CEP63: variants seen among roughly 807,000 people sequenced by gnomAD.
The protein encoded by CEP63 is centrosomal protein of 63 kDa.
CEP63 carries 84 observed loss-of-function variants against 89.1 expected under a neutral mutation model. That is an observed-to-expected ratio of 0.94 (90% confidence interval 0.79 to 1.13). CEP63 has a LOEUF of 1.13. Ranked by LOEUF, CEP63 falls within the 50% of genes most tolerant of loss-of-function variation. The pLI is 0.00. For missense variants in CEP63, 838 were observed against 813.3 expected, an observed-to-expected ratio of 1.03 and a Z score of -0.37; for synonymous variants, 267 against 272.5, an observed-to-expected ratio of 0.98 and a Z score of 0.20.
the CEP63 span, chr3:134,612,946 G>A: frequency 6.6e-6 from 1 of 152,476 alleles, no homozygotes; most frequent in Non-Finnish European, 1.5e-5. Flanking sequence ...TAATGATTAT[G>A]TGTTACTTTG....
chr3:134,700,029 T>C, the CEP63 span, among the ~76,000 whole-genome samples: 1 of 152,268 alleles, frequency 6.6e-6, no homozygotes, highest in Non-Finnish European at 1.5e-5. Flanking sequence ...GCTCTGAACT[T>C]GCATGATGCC....
chr3:134,592,486 G>GTGTGTGTGTA (rs1958617963), downstream of CEP63, among the ~76,000 whole-genome samples: 1 of 150,162 alleles, frequency 6.7e-6, no homozygotes, highest in Non-Finnish European at 1.5e-5. Context: ...GTGTGTGTGT[G>GTGTGTGTGTA]TGTGTGTGTG....
chr3:134,734,158 C>T, the CEP63 span, among the ~76,000 whole-genome samples: 1 of 152,174 alleles, frequency 6.6e-6, no homozygotes, highest in African/African-American at 2.4e-5. Context: ...AACGTGTTTA[C>T]ATGAAAACCT....
the CEP63 span, among the ~76,000 whole-genome samples, chr3:134,645,798 C>T: frequency 2.6e-5 from 4 of 152,150 alleles, no homozygotes; most frequent in Admixed American, 1.3e-4. Context: ...TGCTAAGACC[C>T]ACTTCATGTC....
chr3:134,715,047 C>G, the CEP63 span, among the ~76,000 whole-genome samples: 1 of 152,230 alleles, frequency 6.6e-6, no homozygotes, highest in Admixed American at 6.5e-5. Flanking sequence ...AGCTTCTAGG[C>G]TGCTGAGGAG....
At chr3:134,532,011 G>A in intron 4 of CEP63, 71 bp downstream of exon 4, 1 of 1,027,566 alleles carries the variant, frequency 9.7e-7, no homozygotes, top group Non-Finnish European at 1.5e-6. Context: ...CTTTGTTAAT[G>A]AAAGCCAGTT....
At chr3:134,779,141 G>T in the CEP63 span, among the ~76,000 whole-genome samples, 2 of 151,858 alleles carry the variant, frequency 1.3e-5, no homozygotes, top group Non-Finnish European at 2.9e-5. Flanking sequence ...TTTTATGCTG[G>T]TAATGTAATT....
chr3:134,619,084 G>A, the CEP63 span: 13 of 1,335,650 alleles, frequency 9.7e-6, no homozygotes, highest in Non-Finnish European at 1.4e-5. Context: ...AAAGGCACAT[G>A]GCACTGTGGA....
At chr3:134,747,561 AG>A in the CEP63 span, among the ~76,000 whole-genome samples, 1 of 152,148 alleles carries the variant, frequency 6.6e-6, no homozygotes, top group Non-Finnish European at 1.5e-5. Context: ...TGTGGTGAAA[AG>A]TTCCACGTGA....
chr3:134,577,536 C>T (rs190050594), downstream of CEP63, among the ~76,000 whole-genome samples: 1 of 144,740 alleles, frequency 6.9e-6, no homozygotes, highest in African/African-American at 2.6e-5. Flanking sequence ...AAGCAATTCT[C>T]ATGCCTCAGC....
At chr3:134,655,107 GGA>G in the CEP63 span, among the ~76,000 whole-genome samples, 1 of 152,110 alleles carries the variant, frequency 6.6e-6, no homozygotes, top group South Asian at 2.1e-4. Flanking sequence ...GGTGTTGCTG[GGA>G]TTAAATGAGA....
the CEP63 span, among the ~76,000 whole-genome samples, chr3:134,766,160 G>A: frequency 1.3e-5 from 2 of 152,216 alleles, no homozygotes; most frequent in African/African-American, 4.8e-5. Flanking sequence ...TACTGTGAAT[G>A]TATTTGGGTG....
chr3:134,656,155 G>C, the CEP63 span, among the ~76,000 whole-genome samples: 193 of 152,272 alleles, frequency 1.3e-3, 1 homozygote, highest in Non-Finnish European at 2.0e-3. Context: ...GTAAGGACAG[G>C]GGAGAGGCAT....
chr3:134,620,078 C>T, the CEP63 span: 1 of 152,288 alleles, frequency 6.6e-6, no homozygotes, highest in African/African-American at 2.4e-5. Flanking sequence ...TAGGAGTCCA[C>T]CTCGTGATCT....
At chr3:134,706,877 T>C in the CEP63 span, among the ~76,000 whole-genome samples, 1 of 152,188 alleles carries the variant, frequency 6.6e-6, no homozygotes, top group Admixed American at 6.5e-5. Flanking sequence ...TCTCTTCACA[T>C]TGCTTTCCCT....
the CEP63 span, among the ~76,000 whole-genome samples, chr3:134,666,659 A>T: frequency 2.6e-5 from 4 of 152,150 alleles, no homozygotes; most frequent in African/African-American, 9.7e-5. Context: ...GCAGCCTGGG[A>T]GGCACCTCGG....
At chr3:134,553,553 CAAA>C (rs1955397467) in intron 12 of CEP63, 1 of 151,830 alleles carries the variant, frequency 6.6e-6, no homozygotes. Context: ...ATCTAGTAAA[CAAA>C]GAAAACTGTT....
chr3:134,619,162 G>T, the CEP63 span: 1 of 1,613,788 alleles, frequency 6.2e-7, no homozygotes. Flanking sequence ...ACATTCTCTC[G>T]AAGAGGCCAG....
chr3:134,587,778 G>A (rs930159805), exon 11 of CEP63, among the ~76,000 whole-genome samples: 6 of 151,730 alleles, frequency 4.0e-5, no homozygotes, highest in South Asian at 4.2e-4. Context: ...CATCGATCAC[G>A]CTGGGAGCTA....
Sources: allele counts gnomAD v4.1 joint callset (sites outside exome capture counted in the v4.1 genomes callset), GRCh38; gene constraint gnomAD v4.1.1; transcripts MANE v1.5; gene names NCBI Gene and HGNC (gene_info 2026-07-23, HGNC 2026-07-21).